Variants in POU2F1 observed in about 807,000 individuals in gnomAD.
The protein encoded by POU2F1 is POU class 2 homeobox 1.
A neutral mutation model predicts 84.9 loss-of-function variants in POU2F1; 16 were observed. The ratio of observed to expected loss-of-function variants is 0.19; its 90% CI spans 0.13 to 0.29. The LOEUF (loss-of-function observed/expected upper bound fraction) is 0.29. POU2F1 is among the 10% of genes least tolerant of loss of function. The probability of loss-of-function intolerance (pLI) is 1.00; values close to 1 mark genes in which losing one functional copy is unlikely to be tolerated. For synonymous variants in POU2F1, 368 were observed against 368.3 expected (o/e 1.00, Z 0.01); for missense variants, 738 against 942.6 (o/e 0.78, Z 2.84).
intron 3 of POU2F1, among the ~76,000 whole-genome samples, chr1:167,365,782 A>G (rs978685950): frequency 6.6e-6 from 1 of 152,238 alleles, no homozygotes; most frequent in African/African-American, 2.4e-5. Context: ...AAACAAAAGA[A>G]TTCCTTGTTG....
In POU2F1 at chr1:167,422,649, T is replaced by TAA. The variant is rs1650715714; in HGVS notation, c.*6839_*6840insAA. ...TTCTGCCCATACTCTGGGACAAACT[T>TAA]TCTTGGCTCCCTGAGTTCGGATATA... On this transcript the variant is annotated 3_prime_UTR_variant, in exon 16 of 16. Transcript: ENST00000367866. 6.6e-6 allele frequency: 1 copy of TAA among 152,148 alleles called. No homozygotes were observed. The highest frequency in any genetic ancestry group is 1.5e-5 in the Non-Finnish European group (1 of 68,020). The allele number at this position is 152,148 out of a possible 1,614,324, so 9.4% of individuals were successfully genotyped here. A position where few individuals can be genotyped will look rare whatever the true frequency, so the allele number is the denominator to read the frequency against.
At chr1:167,407,698 AG>A (rs978683603) in intron 13 of POU2F1, among the ~76,000 whole-genome samples, 4 of 152,246 alleles carry the variant, frequency 2.6e-5, no homozygotes, top group Non-Finnish European at 5.9e-5. Context: ...ATCCATATGC[AG>A]AAAGAGGAAT....
intron 1 of POU2F1, among the ~76,000 whole-genome samples, chr1:167,239,346 T>C (rs1220395869): frequency 1.3e-5 from 2 of 152,232 alleles, no homozygotes; most frequent in Admixed American, 1.3e-4. Context: ...TGCCATGCTA[T>C]CAAGACATAG....
intron 4 of POU2F1, 139 bp downstream of exon 4, chr1:167,370,353 A>G: frequency 1.5e-6 from 1 of 679,296 alleles, no homozygotes; most frequent in Non-Finnish European, 2.2e-6. Context: ...GAAGATTCAA[A>G]TAATGATAAT....
chr1:167,400,235 G>A (rs1649113765), intron 12 of POU2F1, among the ~76,000 whole-genome samples: 1 of 151,212 alleles, frequency 6.6e-6, no homozygotes, highest in Admixed American at 6.6e-5. Context: ...TGATCCACCT[G>A]CCTCAGCCTC....
At chr1:167,365,614 G>A (rs370073299) in intron 3 of POU2F1, 47 bp downstream of exon 3, 37 of 1,388,108 alleles carry the variant, frequency 2.7e-5, no homozygotes, top group African/African-American at 1.6e-4. Flanking sequence ...AGATAGAGGC[G>A]TAAAGTACTG....
intron 1 of POU2F1, among the ~76,000 whole-genome samples, chr1:167,258,151 T>C (rs1651287905): frequency 6.6e-6 from 1 of 152,176 alleles, no homozygotes; most frequent in African/African-American, 2.4e-5. Flanking sequence ...GCCCCCACTT[T>C]AAACAATATG....
intron 1 of POU2F1, among the ~76,000 whole-genome samples, chr1:167,223,595 G>A (rs1052876697): frequency 6.6e-6 from 1 of 152,118 alleles, no homozygotes; most frequent in African/African-American, 2.4e-5. Flanking sequence ...TATGTATTTT[G>A]TGGGACTTTG....
chr1:167,337,649 G>A (rs1008930702), intron 2 of POU2F1, among the ~76,000 whole-genome samples: 9 of 150,036 alleles, frequency 6.0e-5, no homozygotes, highest in Admixed American at 3.3e-4. Flanking sequence ...ACCTGTAACC[G>A]CACCATAGCT....
chr1:167,415,918 G>T lies in POU2F1; in HGVS notation c.*108G>T. 3.5e-6 allele frequency: 3 copies of T among 850,040 alleles called. No homozygotes were observed. Among genetic ancestry groups the T allele is most frequent in the Non-Finnish European group, 5.2e-6 (3 of 575,368 alleles). 52.7% of individuals were successfully genotyped at this position (850,040 alleles called of 1,614,324 possible). A position where few individuals can be genotyped will look rare whatever the true frequency, so the allele number is the denominator to read the frequency against. On this transcript the variant is annotated 3_prime_UTR_variant, in exon 16 of 16. Transcript: ENST00000367866. ...GTGATTGGCTTCCTCTCGCCGTGTT[G>T]TGAGGGCAAAGGAGAGAAGGGAGAA...
At chr1:167,352,401 C>T (rs917630018) in intron 2 of POU2F1, among the ~76,000 whole-genome samples, 1 of 152,072 alleles carries the variant, frequency 6.6e-6, no homozygotes, top group African/African-American at 2.4e-5. Context: ...TCTTATGTCC[C>T]CTTATGAGCC....
At position 167,291,044 on chromosome 1, in the gene POU2F1, GAAA is replaced by G. The variant is rs56798282; in HGVS notation, c.62-41408_62-41406del. Among the ~76,000 whole-genome samples the G allele has an allele frequency of 6.7e-3, 791 of 117,396 alleles. 3 individuals are homozygous for G. The highest frequency in any genetic ancestry group is 0.022 in the African/African-American group (734 of 33,634). 77.0% of individuals were successfully genotyped at this position (117,396 alleles called of 152,430 possible). Reference sequence around the variant, plus strand: ...TGGGTTAAAGAGTGAGACCCTGTCAGAAAAAAAAAAAAAAAAAAAAGTCATTTC... The same window carrying G: ...TGGGTTAAAGAGTGAGACCCTGTCAGAAAAAAAAAAAAAAAAAGTCATTTC... On this transcript the variant is annotated intron_variant, in intron 1 of 15. Transcript: ENST00000367866.
intron 13 of POU2F1, among the ~76,000 whole-genome samples, chr1:167,402,853 A>G (rs1324640053): frequency 1.3e-5 from 2 of 152,254 alleles, no homozygotes; most frequent in South Asian, 2.1e-4. Flanking sequence ...ATTGACTGCC[A>G]GTCACCTGGT....
chr1:167,389,899 A>G (rs1365078226), intron 9 of POU2F1, 138 bp downstream of exon 9: 7 of 894,960 alleles, frequency 7.8e-6, no homozygotes, highest in Non-Finnish European at 1.7e-6. Context: ...AAGGATGGTC[A>G]TGTCTGTACT....
chr1:167,287,184 A>T (rs1653590520), intron 1 of POU2F1, among the ~76,000 whole-genome samples: 1 of 152,220 alleles, frequency 6.6e-6, no homozygotes, highest in South Asian at 2.1e-4. Context: ...TGTCTTTCTT[A>T]GCCTTAGATC....
intron 1 of POU2F1, among the ~76,000 whole-genome samples, chr1:167,293,474 T>C (rs1654063857): frequency 6.6e-6 from 1 of 152,174 alleles, no homozygotes; most frequent in Admixed American, 6.6e-5. Context: ...AAAGAAGTCA[T>C]AGATAACACA....
At position 167,412,311 on chromosome 1, in the gene POU2F1, C is replaced by T. The variant is rs541342584; in HGVS notation, c.1901+7C>T. ...CCTCACAGTTTGCGGCTGGGTAAGG[C>T]GCTTTCTCATCTCATTCACGTCTGA... On this transcript the variant is annotated splice_region_variant and intron_variant, in intron 14 of 15. Transcript: ENST00000367866. The T allele has an allele frequency of 4.9e-5, 75 of 1,526,676 alleles. No individual in the cohort carries two copies. In the East Asian group the frequency reaches 1.5e-3, roughly 31 times the overall value. The allele number at this position is 1,526,676 out of a possible 1,614,324, so 94.6% of individuals were successfully genotyped here.
intron 1 of POU2F1, among the ~76,000 whole-genome samples, chr1:167,257,198 A>C (rs1374099352): frequency 6.6e-6 from 1 of 152,224 alleles, no homozygotes; most frequent in Non-Finnish European, 1.5e-5. Flanking sequence ...ATGGTCTCTC[A>C]CTTTAAAATC....
At chr1:167,383,088 A>G (rs980367329) in intron 7 of POU2F1, among the ~76,000 whole-genome samples, 4 of 152,200 alleles carry the variant, frequency 2.6e-5, no homozygotes, top group Admixed American at 6.5e-5. Context: ...ACTTTCTACC[A>G]TTGCTCTTAT....
Sources: gnomAD v4.1 joint callset for allele counts (sites outside exome capture counted in the v4.1 genomes callset) on GRCh38, gnomAD v4.1.1 for gene constraint, MANE v1.5 for transcripts, NCBI Gene and HGNC (gene_info 2026-07-23, HGNC 2026-07-21) for gene names.